ERMP1: variants seen among roughly 807,000 people sequenced by gnomAD.
ERMP1 encodes Felix-ina.
A neutral mutation model predicts 92.0 loss-of-function variants in ERMP1; 86 were observed. The observed-to-expected ratio is 0.93, with a 90% CI of 0.79 to 1.12. The LOEUF is 1.12. ERMP1 is among the 50% of genes most tolerant of loss of function. ERMP1 has a pLI of 0.00. For missense variants in ERMP1, 1,342 were observed against 1,116.3 expected, an observed-to-expected ratio of 1.20 and a Z score of -2.88; for synonymous variants, 530 against 412.8, an observed-to-expected ratio of 1.28 and a Z score of -3.44.
At chr9:5,823,791 TC>T in intron 4 of ERMP1, 104 bp downstream of exon 4, 1 of 785,706 alleles carries the variant, frequency 1.3e-6, no homozygotes. Context: ...AAAAGAATGC[TC>T]ATTCAAGAGA....
chr9:5,832,325 C>T (rs1437696025), intron 1 of ERMP1: 1 of 219,504 alleles, frequency 4.6e-6, no homozygotes, highest in Non-Finnish European at 8.9e-6. Context: ...TCTAGGTACA[C>T]AAATTTCCAT....
intron 6 of ERMP1, among the ~76,000 whole-genome samples, chr9:5,846,924 G>A (rs1784843308): frequency 6.6e-6 from 1 of 152,152 alleles, no homozygotes; most frequent in Non-Finnish European, 1.5e-5. Context: ...CTCTGAATGG[G>A]TATGCTGCAG....
At chr9:5,838,175 T>G (rs949735571) in intron 6 of ERMP1, among the ~76,000 whole-genome samples, 1 of 152,190 alleles carries the variant, frequency 6.6e-6, no homozygotes, top group African/African-American at 2.4e-5. Flanking sequence ...GGCACTTTTG[T>G]GTGATGCTGG....
Position 5,785,678 on chromosome 9 carries a change from A to G in ERMP1, c.*1466T>C, listed in dbSNP as rs1827907679. 6.5e-6 allele frequency: 1 copy of G among 152,830 alleles called. No individual in the cohort carries two copies. The highest frequency in any genetic ancestry group is 1.5e-5 in the Non-Finnish European group (1 of 68,030). 9.5% of individuals were successfully genotyped at this position (152,830 alleles called of 1,614,324 possible). A position where few individuals can be genotyped will look rare whatever the true frequency, so the allele number is the denominator to read the frequency against. On this transcript the variant is annotated 3_prime_UTR_variant, in exon 15 of 15. Coordinates refer to ENST00000339450, the MANE Select transcript of ERMP1 (RefSeq NM_024896.3). ...TCAAGGACGTTTTCTCCGGCAATGC[A>G]TACTTACTGTGCTCTTTCTATTCAG...
intron 8 of ERMP1, among the ~76,000 whole-genome samples, chr9:5,806,870 C>G (rs192499002): frequency 9.8e-5 from 15 of 152,286 alleles, no homozygotes; most frequent in Admixed American, 4.6e-4. Flanking sequence ...TCTCCTTCTT[C>G]AAGGGCTCAA....
intron 10 of ERMP1, among the ~76,000 whole-genome samples, chr9:5,802,701 G>A (rs1011620587): frequency 6.6e-6 from 1 of 152,154 alleles, no homozygotes; most frequent in Non-Finnish European, 1.5e-5. Flanking sequence ...TCAGTTAATA[G>A]GTGTCCTTAA....
At chr9:5,856,640 C>T (rs1202587434) in intron 6 of ERMP1, among the ~76,000 whole-genome samples, 2 of 152,184 alleles carry the variant, frequency 1.3e-5, no homozygotes, top group Non-Finnish European at 2.9e-5. Context: ...TAGTCACATT[C>T]CATAAAGTCA....
At chr9:5,853,380 C>A (rs907080120) in intron 6 of ERMP1, among the ~76,000 whole-genome samples, 1 of 152,190 alleles carries the variant, frequency 6.6e-6, no homozygotes, top group Non-Finnish European at 1.5e-5. Flanking sequence ...ACCTGATCCC[C>A]TTCACCATGT....
chr9:5,841,950 A>G (rs1356695618), intron 6 of ERMP1, among the ~76,000 whole-genome samples: 3 of 152,146 alleles, frequency 2.0e-5, no homozygotes, highest in African/African-American at 7.2e-5. Flanking sequence ...CAGCTCTTAA[A>G]GGTGGCGCAT....
chr9:5,829,479 T>C (rs1298352123), intron 2 of ERMP1, among the ~76,000 whole-genome samples: 2 of 152,186 alleles, frequency 1.3e-5, no homozygotes, highest in Non-Finnish European at 2.9e-5. Flanking sequence ...AGTGTTAATA[T>C]TACATAAGAG....
At chr9:5,861,861 G>A (rs956881356) in intron 5 of ERMP1, among the ~76,000 whole-genome samples, 3 of 151,342 alleles carry the variant, frequency 2.0e-5, no homozygotes, top group Admixed American at 2.0e-4. Context: ...ATGGCTCCTG[G>A]CCCTTCTCTT....
At chr9:5,813,356 G>C (rs1040226110) in intron 4 of ERMP1, among the ~76,000 whole-genome samples, 2 of 152,004 alleles carry the variant, frequency 1.3e-5, no homozygotes, top group Admixed American at 1.3e-4. Context: ...TACTAATGTA[G>C]AATTGTGTGT....
At position 5,823,942 on chromosome 9, in the gene ERMP1, G is replaced by A; in HGVS notation, c.828C>T (p.Asn276=). Residue 276 remains asparagine (N), a synonymous_variant, in exon 4 of 15, where the codon AAC becomes AAT. Transcript: ENST00000339450. The stretch of plus-strand genomic sequence containing the variant: ...TCCCTCCTACACCTGCTGCCTCTAG[G>A]TTAATGAATGCACGAATCAAGCTAG... The part of the protein sequence containing the change: ...PWASLIRAFI[N]LEAAGVGGKE... The A allele has an allele frequency of 1.9e-6, 3 of 1,614,136 alleles. No homozygotes were observed. The highest frequency in any genetic ancestry group is 2.2e-5 in the South Asian group (2 of 91,082).
chr9:5,805,075 C>T lies in ERMP1; in HGVS notation c.1866G>A (p.Val622=). Residue 622 remains valine (V), a synonymous_variant, in exon 10 of 15, where the codon GTG becomes GTA. Transcript: ENST00000339450. The part of the protein sequence containing the change: ...RSGSEIPPDV[V]LASILAGCTM... ...TACAGCCAGCCAAAATGGATGCCAGCACAACATCAGGTGGGATTTCAGAAC... is the reference window on the plus strand; with the variant it reads ...TACAGCCAGCCAAAATGGATGCCAGTACAACATCAGGTGGGATTTCAGAAC... The T allele has an allele frequency of 1.2e-6, 2 of 1,613,494 alleles. No homozygotes were observed. Among genetic ancestry groups the T allele is most frequent in the Non-Finnish European group, 1.7e-6 (2 of 1,179,890 alleles).
At chr9:5,824,648 G>C (rs1388029446) in intron 3 of ERMP1, among the ~76,000 whole-genome samples, 2 of 152,052 alleles carry the variant, frequency 1.3e-5, no homozygotes, top group Admixed American at 6.5e-5. Context: ...TGATCTGCCT[G>C]CCTCGGCCTC....
chr9:5,787,834 A>T (rs776105283), intron 13 of ERMP1, among the ~76,000 whole-genome samples: 1 of 152,236 alleles, frequency 6.6e-6, no homozygotes, highest in Non-Finnish European at 1.5e-5. Context: ...TGGTCCTATC[A>T]CTTAACTGCT....
At chr9:5,831,805 C>CT (rs1043384603) in intron 1 of ERMP1, among the ~76,000 whole-genome samples, 4 of 152,036 alleles carry the variant, frequency 2.6e-5, no homozygotes, top group Admixed American at 2.0e-4. Context: ...CACCCAAGGT[C>CT]TAATAACTTC....
intron 1 of ERMP1, among the ~76,000 whole-genome samples, chr9:5,832,271 C>A (rs980304093): frequency 2.6e-5 from 4 of 152,078 alleles, no homozygotes; most frequent in African/African-American, 7.3e-5. Flanking sequence ...AGTGCACTAG[C>A]GCCTTCCAAA....
intron 6 of ERMP1, among the ~76,000 whole-genome samples, chr9:5,857,721 G>C (rs1381392944): frequency 1.3e-5 from 2 of 152,202 alleles, no homozygotes; most frequent in Non-Finnish European, 2.9e-5. Context: ...AAAATATTCA[G>C]CATATCATCC....
Sources: gnomAD v4.1 joint callset for allele counts (sites outside exome capture counted in the v4.1 genomes callset) on GRCh38, gnomAD v4.1.1 for gene constraint, MANE v1.5 for transcripts, NCBI Gene and HGNC (gene_info 2026-07-23, HGNC 2026-07-21) for gene names.